The following PNPLA8 variants were observed in gnomAD, a reference collection of about 807,000 sequenced individuals.
PNPLA8 encodes calcium-independent phospholipase A2-gamma.
Under a neutral mutation model 76.9 loss-of-function variants are expected in PNPLA8, and 39 were observed. That is an observed-to-expected ratio of 0.51 (90% CI 0.39 to 0.66). The LOEUF (loss-of-function observed/expected upper bound fraction) is 0.66, where lower values mean the gene tolerates loss of function less well. Ranked by LOEUF, PNPLA8 falls within the 30% of genes least tolerant of loss-of-function variation. The pLI is 0.00. For synonymous variants in PNPLA8, 301 were observed against 307.9 expected, an observed-to-expected ratio of 0.98 and a Z score of 0.24; for missense variants, 887 against 918.0, an observed-to-expected ratio of 0.97 and a Z score of 0.44.
chr7:108,502,622 T>A lies in PNPLA8; in HGVS notation c.1227A>T (p.Leu409Phe). The change falls in exon 5 of 11, where the codon TTA (leucine) becomes TTT (phenylalanine). Residue 409 changes from leucine to phenylalanine, a missense_variant. Transcript: ENST00000257694. Reference sequence around the variant, plus strand: ...CATCCTTAATTTGTCTCAGTCGTAATAAATATGGAATAATTCTTTCCTATA... The same window carrying A: ...CATCCTTAATTTGTCTCAGTCGTAAAAAATATGGAATAATTCTTTCCTATA... ...VAVKERIIPYLLRLRQIKDET... is the reference protein window; with the variant it reads ...VAVKERIIPYFLRLRQIKDET... The A allele has an allele frequency of 6.2e-7, 1 of 1,610,304 alleles. No individual in the cohort carries two copies. Among genetic ancestry groups the A allele is most frequent in the Non-Finnish European group, 8.5e-7 (1 of 1,177,284 alleles).
chr7:108,504,941 T>C (rs987208655), intron 4 of PNPLA8, among the ~76,000 whole-genome samples: 1 of 152,010 alleles, frequency 6.6e-6, no homozygotes, highest in East Asian at 1.9e-4. Flanking sequence ...CTGGGCATGG[T>C]GGTGCATGCC....
At position 108,514,685 on chromosome 7, in the gene PNPLA8, A is replaced by T. The variant is rs754766428; in HGVS notation, c.807T>A (p.Pro269=). The T allele has an allele frequency of 2.5e-6, 4 of 1,613,906 alleles. No individual in the cohort carries two copies. Among genetic ancestry groups the T allele is most frequent in the Non-Finnish European group, 3.4e-6 (4 of 1,179,914 alleles). The change falls in exon 3 of 11, where the codon CCT becomes CCA. Residue 269 remains proline (P), a synonymous_variant. Coordinates refer to ENST00000257694, the MANE Select transcript of PNPLA8 (RefSeq NM_001256007.3). ...GSESVHTVDK[P]TSPSAIPDVL... ...CATCAGGTATCGCAGAAGGACTTGT[A>T]GGCTTGTCCACCGTATGTACAGATT...
intron 10 of PNPLA8, among the ~76,000 whole-genome samples, chr7:108,475,074 C>T (rs1297115851): frequency 6.6e-6 from 1 of 152,048 alleles, no homozygotes; most frequent in Non-Finnish European, 1.5e-5. Flanking sequence ...GACTGCAAAC[C>T]CTATTGTGAA....
Position 108,496,715 on chromosome 7 carries a change from G to T in PNPLA8, c.1494C>A (p.Pro498=). The T allele has an allele frequency of 6.2e-7, 1 of 1,610,468 alleles. No homozygotes were observed. The highest frequency in any genetic ancestry group is 2.2e-5 in the East Asian group (1 of 44,590). ...GATAAAGTTCCTCACATTCATCCAA[G>T]GGCATATGAAACAACCCCAACATGA... The part of the protein sequence containing the change: ...LAFMLGLFHM[P]LDECEELYRK... The change falls in exon 7 of 11, where the codon CCC becomes CCA. Residue 498 remains proline, a synonymous_variant. Coordinates refer to ENST00000257694, the MANE Select transcript of PNPLA8 (RefSeq NM_001256007.3).
Position 108,525,908 on chromosome 7 carries a change from A to T in PNPLA8, c.-130+121T>A, listed in dbSNP as rs929433957. On this transcript the variant is annotated intron_variant, in intron 1 of 10. Coordinates refer to ENST00000257694, the MANE Select transcript of PNPLA8 (RefSeq NM_001256007.3). The stretch of plus-strand genomic sequence containing the variant: ...CCTCCCCAAAGCCTGGCGTGTCCCC[A>T]CCCTCTCGCTCGGGAAGTGCCCTCC... 22 of 302,358 alleles carry T rather than the reference A, an allele frequency of 7.3e-5. 1 individual carries two copies. The highest frequency in any genetic ancestry group is 5.8e-5 in the Non-Finnish European group (12 of 205,354). 18.7% of individuals were successfully genotyped at this position (302,358 alleles called of 1,614,324 possible).
rs533784899 is a variant in PNPLA8 at position 108,470,769 on chromosome 7, T to C, written c.*1632A>G. The C allele has an allele frequency of 6.6e-6, 1 of 152,216 alleles. No individual in the cohort carries two copies. Among genetic ancestry groups the C allele is most frequent in the African/African-American group, 2.4e-5 (1 of 41,454 alleles). 9.4% of individuals were successfully genotyped at this position (152,216 alleles called of 1,614,324 possible). ...TATTTTATACTATGTCTAAAGTTTA[T>C]ATAATTCGGATGTTAGAAAATTTTA... On this transcript the variant is annotated 3_prime_UTR_variant, in exon 11 of 11. Coordinates refer to ENST00000257694, the MANE Select transcript of PNPLA8 (RefSeq NM_001256007.3).
chr7:108,474,427 TA>T (rs1563926834), intron 10 of PNPLA8, among the ~76,000 whole-genome samples: 1 of 152,140 alleles, frequency 6.6e-6, no homozygotes, highest in Non-Finnish European at 1.5e-5. Flanking sequence ...GCATGTAGAT[TA>T]AAAAGGAAGT....
chr7:108,517,078 C>G (rs1863400295), intron 2 of PNPLA8, among the ~76,000 whole-genome samples: 1 of 152,180 alleles, frequency 6.6e-6, no homozygotes, highest in Non-Finnish European at 1.5e-5. Context: ...AAAACAAACT[C>G]AATTACAAAT....
intron 9 of PNPLA8, chr7:108,479,699 TAA>T: frequency 8.8e-6 from 2 of 227,924 alleles, no homozygotes; most frequent in Non-Finnish European, 1.7e-5. Context: ...AGGTTCTACT[TAA>T]AGCCTAACAG....
At position 108,472,332 on chromosome 7, in the gene PNPLA8, C is replaced by G; in HGVS notation, c.*69G>C. On this transcript the variant is annotated 3_prime_UTR_variant, in exon 11 of 11. Coordinates refer to ENST00000257694, the MANE Select transcript of PNPLA8 (RefSeq NM_001256007.3). ...CAAAGTTAACTCATGTCGAACCCCA[C>G]AATTCCTTATTGAATGTGGTTGATC... 1 of 1,137,182 alleles carries G rather than the reference C, an allele frequency of 8.8e-7. No homozygotes were observed. The highest frequency in any genetic ancestry group is 1.6e-5 in the South Asian group (1 of 62,640). 70.4% of individuals were successfully genotyped at this position (1,137,182 alleles called of 1,614,324 possible).
intron 4 of PNPLA8, 47 bp from the exon 5 acceptor site, chr7:108,502,689 T>A: frequency 7.2e-7 from 1 of 1,380,374 alleles, no homozygotes; most frequent in Non-Finnish European, 1.0e-6. Flanking sequence ...AAATCAAGAC[T>A]GAAAATGTAT....
intron 10 of PNPLA8, among the ~76,000 whole-genome samples, chr7:108,478,538 A>T (rs1307825612): frequency 2.0e-5 from 3 of 152,040 alleles, no homozygotes; most frequent in Non-Finnish European, 4.4e-5. Context: ...TTACAGGTGC[A>T]CACTACCATG....
intron 5 of PNPLA8, among the ~76,000 whole-genome samples, chr7:108,499,582 GT>G (rs537737881): frequency 2.6e-4 from 39 of 152,282 alleles, no homozygotes; most frequent in African/African-American, 9.4e-4. Context: ...TTGCGGGGCT[GT>G]CCTGTGCACT....
At chr7:108,505,059 G>A (rs1436232848) in intron 4 of PNPLA8, among the ~76,000 whole-genome samples, 1 of 151,672 alleles carries the variant, frequency 6.6e-6, no homozygotes. Context: ...TGGGCAACAA[G>A]AGCGAAACTC....
At chr7:108,517,750 A>G (rs143920341) in intron 2 of PNPLA8, among the ~76,000 whole-genome samples, 293 of 152,214 alleles carry the variant, frequency 1.9e-3, no homozygotes, top group Admixed American at 5.0e-3. Flanking sequence ...GCTTACATAT[A>G]TATGTAATAT....
chr7:108,515,337 G>C lies in PNPLA8; in HGVS notation c.155C>G (p.Thr52Arg), dbSNP rs1259271894. 3 of 1,613,520 alleles carry C rather than the reference G, an allele frequency of 1.9e-6. No homozygotes were observed. Among genetic ancestry groups the C allele is most frequent in the Admixed American group, 3.3e-5 (2 of 59,870 alleles). ...GGTCCATTTACATCTTATTATGTTT[G>C]TATGAAAACCTCTTTGTAGACTGAT... is the stretch of plus-strand genomic sequence containing the variant. ...SHISLQRGFH[T>R]NIIRCKWTKS... Residue 52 changes from threonine (T) to arginine (R), a missense_variant, in exon 3 of 11, where the codon ACA becomes AGA. Thr to Arg is a moderately conservative substitution (Grantham distance 71). Transcript: ENST00000257694.
intron 4 of PNPLA8, among the ~76,000 whole-genome samples, chr7:108,507,307 C>T (rs1326355405): frequency 8.4e-5 from 11 of 130,816 alleles, no homozygotes; most frequent in East Asian, 4.6e-4. Context: ...CACACCACTG[C>T]ACTCCAGCCT....
intron 2 of PNPLA8, among the ~76,000 whole-genome samples, chr7:108,516,795 G>C (rs903302770): frequency 1.3e-5 from 2 of 152,032 alleles, no homozygotes; most frequent in South Asian, 4.1e-4. Context: ...TCAGCTACTC[G>C]GGTGGCTGAG....
At chr7:108,479,412 A>G in intron 9 of PNPLA8, 33 bp from the exon 10 acceptor site, 2 of 1,462,472 alleles carry the variant, frequency 1.4e-6, no homozygotes, top group Non-Finnish European at 1.9e-6. Context: ...AGAAACTTTT[A>G]AAACTGACTC....
Sources: gnomAD v4.1 joint callset for allele counts (sites outside exome capture counted in the v4.1 genomes callset) on GRCh38, gnomAD v4.1.1 for gene constraint, MANE v1.5 for transcripts, NCBI Gene and HGNC (gene_info 2026-07-23, HGNC 2026-07-21) for gene names.